TPPP2: variants seen among roughly 807,000 people sequenced by gnomAD.
TPPP2 encodes the protein tubulin polymerization promoting protein family member 2.
TPPP2 carries 8 observed loss-of-function variants against 13.0 expected under a neutral mutation model. The observed-to-expected ratio is 0.62, with a 90% CI of 0.36 to 1.11. The LOEUF is 1.11. Ranked by LOEUF, TPPP2 falls within the 50% of genes most tolerant of loss-of-function variation. The pLI, the probability that TPPP2 is intolerant of heterozygous loss-of-function variation, is 0.02. For missense variants in TPPP2, 213 were observed against 216.9 expected (o/e 0.98, Z 0.11); for synonymous variants, 81 against 81.8 (o/e 0.99, Z 0.05).
chr14:21,027,890 A>G (rs1371824963), upstream of TPPP2, among the ~76,000 whole-genome samples: 1 of 152,200 alleles, frequency 6.6e-6, no homozygotes, highest in Non-Finnish European at 1.5e-5. Flanking sequence ...GGGGCATTCT[A>G]TCCAGGCACA....
At chr14:21,033,380 A>T (rs992865575), downstream of TPPP2, 14 of 269,870 alleles carry the variant, frequency 5.2e-5, no homozygotes, top group African/African-American at 2.9e-4. Flanking sequence ...AGTGGAGGGA[A>T]TTATAAGGGA....
At chr14:21,028,395 G>T (rs978712790), upstream of TPPP2, 2 of 152,044 alleles carry the variant, frequency 1.3e-5, no homozygotes, top group Non-Finnish European at 2.9e-5. Flanking sequence ...GGGACTACAG[G>T]TGCATGCCAC....
At chr14:21,030,889 G>A in intron 2 of TPPP2, 123 bp from the exon 3 acceptor site, 1 of 1,509,596 alleles carries the variant, frequency 6.6e-7, no homozygotes, top group African/African-American at 1.4e-5. Context: ...GCTATCCTTT[G>A]TCTTCGAGAC....
At chr14:21,036,308 G>T (rs73585971), downstream of TPPP2, 1 of 455,472 alleles carries the variant, frequency 2.2e-6, no homozygotes, top group Admixed American at 2.4e-5. Context: ...TCGTCTAAAA[G>T]TCTGCAATAG....
intron 1 of TPPP2, chr14:21,024,587 C>A: frequency 1.0e-6 from 1 of 985,492 alleles, no homozygotes; most frequent in South Asian, 4.7e-5. Context: ...CGTCGCTTCT[C>A]TCCTCTACTC....
chr14:21,025,000 T>G, intron 1 of TPPP2: 1 of 985,896 alleles, frequency 1.0e-6, no homozygotes, highest in Non-Finnish European at 1.2e-6. Context: ...TTCCAGGCCC[T>G]ACGGCCCCTC....
intron 1 of TPPP2, chr14:21,024,412 G>C: frequency 1.1e-6 from 1 of 901,584 alleles, no homozygotes; most frequent in Non-Finnish European, 1.3e-6. Context: ...GTGTGACCTT[G>C]CCCCAGTTAG....
intron 2 of TPPP2, 31 bp downstream of exon 2, chr14:21,030,785 G>A (rs752996516): frequency 3.7e-6 from 6 of 1,609,122 alleles, no homozygotes; most frequent in Non-Finnish European, 5.1e-6. Flanking sequence ...AGGTGGGGGT[G>A]AGAAGAACCT....
Position 21,032,089 on chromosome 14 carries a change from A to T in TPPP2, c.*12A>T, listed in dbSNP as rs1267660826. Reference sequence around the variant, plus strand: ...AGAAGACCAAGTAGAGAGGAGCTTCATCTCAGCCTGCTAGCCCCCTGACCC... The same window carrying T: ...AGAAGACCAAGTAGAGAGGAGCTTCTTCTCAGCCTGCTAGCCCCCTGACCC... On this transcript the variant is annotated 3_prime_UTR_variant, in exon 4 of 4. Transcript: ENST00000321760. 2.5e-6 allele frequency: 4 copies of T among 1,608,476 alleles called. No individual in the cohort carries two copies. The highest frequency in any genetic ancestry group is 3.4e-6 in the Non-Finnish European group (4 of 1,175,374).
At chr14:21,031,596 G>A (rs1316016116) in intron 3 of TPPP2, among the ~76,000 whole-genome samples, 1 of 152,040 alleles carries the variant, frequency 6.6e-6, no homozygotes, top group Non-Finnish European at 1.5e-5. Context: ...GGGAGTGGGA[G>A]TGAAGTCCTC....
Position 21,032,014 on chromosome 14 carries a change from T to A in TPPP2, c.450T>A (p.Thr150=), listed in dbSNP as rs1247581849. The change falls in exon 4 of 4, where the codon ACT becomes ACA. Residue 150 remains threonine (T), a synonymous_variant. Transcript: ENST00000321760. ...GCATTGCGGGACGGGAAGAGATGAC[T>A]GACAACACAGGCTATGTGAGTGGTT... The part of the protein sequence containing the change: ...GKGIAGREEM[T]DNTGYVSGYK... 4 of 1,614,042 alleles carry A rather than the reference T, an allele frequency of 2.5e-6. No homozygotes were observed. The highest frequency in any genetic ancestry group is 1.7e-6 in the Non-Finnish European group (2 of 1,180,036).
intron 2 of TPPP2, 58 bp downstream of exon 2, chr14:21,030,812 C>A: frequency 6.3e-7 from 1 of 1,586,872 alleles, no homozygotes; most frequent in Non-Finnish European, 8.6e-7. Context: ...TAGTTGGCCA[C>A]GGAAGGGTTC....
In TPPP2 at chr14:21,030,523, C is replaced by T; in HGVS notation, c.-59C>T. On this transcript the variant is annotated 5_prime_UTR_variant, in exon 2 of 4. Coordinates refer to ENST00000321760, the MANE Select transcript of TPPP2 (RefSeq NM_173846.5). ...CTCATTACTCCACAGTCCTCCCTCCCCCTTCTCCTTCACCCCCAAGTGTCT... is the reference window on the plus strand; with the variant it reads ...CTCATTACTCCACAGTCCTCCCTCCTCCTTCTCCTTCACCCCCAAGTGTCT... The T allele has an allele frequency of 6.4e-7, 1 of 1,556,532 alleles. No homozygotes were observed. Among genetic ancestry groups the T allele is most frequent in the Non-Finnish European group, 8.8e-7 (1 of 1,142,790 alleles).
chr14:21,025,827 C>A, upstream of TPPP2: 2 of 427,708 alleles, frequency 4.7e-6, no homozygotes, highest in East Asian at 1.7e-4. The surrounding 1 kb of genome is among the most constrained non-coding windows in gnomAD (Gnocchi z 5.1). Context: ...AGAGGATGGC[C>A]AACAGGGACT....
At position 21,030,765 on chromosome 14, in the gene TPPP2, A is replaced by C; in HGVS notation, c.173+11A>C. ...GTTCAGCAAAGTCAAGTGAGGAGCC[A>C]AAAATATGGAGGTGGGGGTGAGAAG... On this transcript the variant is annotated intron_variant, in intron 2 of 3. Transcript: ENST00000321760. 6.2e-7 allele frequency: 1 copy of C among 1,612,360 alleles called. No individual in the cohort carries two copies. Among genetic ancestry groups the C allele is most frequent in the Non-Finnish European group, 8.5e-7 (1 of 1,178,968 alleles).
downstream of TPPP2, chr14:21,033,783 C>T (rs371042583): frequency 3.8e-6 from 5 of 1,305,212 alleles, no homozygotes; most frequent in African/African-American, 7.3e-5. Flanking sequence ...AGACAGCTGG[C>T]CTGTGGTGGT....
intron 3 of TPPP2, 94 bp downstream of exon 3, chr14:21,031,259 A>T: frequency 4.0e-6 from 6 of 1,487,774 alleles, no homozygotes; most frequent in Non-Finnish European, 4.5e-6. Context: ...GTGACTGTAG[A>T]GACAGGGCCG....
rs1319338003 is a variant in TPPP2, at chr14:21,031,111, G to A, written c.273G>A (p.Leu91=). Residue 91 remains leucine, a synonymous_variant, in exon 3 of 4, where the codon CTG becomes CTA. Transcript: ENST00000321760. ...RFKGKSPDEV[L]ENIYGLMEGK... is the part of the protein sequence containing the mutation. ...AAGGGAAGAGTCCAGATGAAGTCCTGGAGAACATTTATGGACTCATGGAGG... is the reference window on the plus strand; with the variant it reads ...AAGGGAAGAGTCCAGATGAAGTCCTAGAGAACATTTATGGACTCATGGAGG... 1 of 1,614,048 alleles carries A rather than the reference G, an allele frequency of 6.2e-7. No homozygotes were observed. The highest frequency in any genetic ancestry group is 8.5e-7 in the Non-Finnish European group (1 of 1,180,034).
chr14:21,024,889 G>A, intron 1 of TPPP2: 2 of 985,576 alleles, frequency 2.0e-6, no homozygotes, highest in Non-Finnish European at 2.4e-6. Flanking sequence ...CAGCCTTTGT[G>A]CGCAGCAACC....
Sources: gnomAD v4.1 joint callset for allele counts (sites outside exome capture counted in the v4.1 genomes callset) on GRCh38, gnomAD v4.1.1 for gene constraint, Gnocchi (gnomAD v3.1) non-coding constraint, MANE v1.5 for transcripts, NCBI Gene and HGNC (gene_info 2026-07-23, HGNC 2026-07-21) for gene names.